The following PRPF38B variants were observed in gnomAD, a reference collection of about 807,000 sequenced individuals.
PRPF38B encodes pre-mRNA-splicing factor 38B.
In PRPF38B, 18 loss-of-function variants were observed where a neutral mutation model predicts 67.2. The observed-to-expected ratio is 0.27, with a 90% CI of 0.19 to 0.40. The LOEUF (loss-of-function observed/expected upper bound fraction) is 0.40. PRPF38B is among the 10% of genes least tolerant of loss of function. The pLI is 1.00. For synonymous variants in PRPF38B, 246 were observed against 234.2 expected (o/e 1.05, Z -0.46); for missense variants, 544 against 684.9 (o/e 0.79, Z 2.30).
intron 4 of PRPF38B, chr1:108,696,831 G>C: frequency 7.2e-6 from 5 of 694,686 alleles, no homozygotes; most frequent in Non-Finnish European, 1.3e-5. Flanking sequence ...AATAGGCTAA[G>C]TGTTTGGATG....
At position 108,698,670 on chromosome 1, in the gene PRPF38B, A is replaced by T; in HGVS notation, c.625A>T (p.Thr209Ser). The T allele has an allele frequency of 6.2e-7, 1 of 1,614,136 alleles. No homozygotes were observed. ...TIGEMLRSFLTKLEWFSTLFP... is the reference protein window; with the variant it reads ...TIGEMLRSFLSKLEWFSTLFP... Reference sequence around the variant, plus strand: ...TGGAGAAATGCTACGATCTTTTCTCACAAAACTGGAGTGGTTTTCTACCTT... The same window carrying T: ...TGGAGAAATGCTACGATCTTTTCTCTCAAAACTGGAGTGGTTTTCTACCTT... The change falls in exon 5 of 6, where the codon ACA becomes TCA. Residue 209 changes from threonine (T) to serine (S), a missense_variant. By Grantham distance (58) the Thr-to-Ser change is moderately conservative. This residue lies in a region of PRPF38B where 57 missense variants were observed against 122.7 expected (regional missense o/e 0.46). Transcript: ENST00000370025.
chr1:108,701,152 T>G lies in PRPF38B; in HGVS notation c.*1132T>G, dbSNP rs1241635358. Reference sequence around the variant, plus strand: ...TTGTATTCTGATTACAGAACCATCATGAGTGTGGAATAAATACTGGATTAA... The same window carrying G: ...TTGTATTCTGATTACAGAACCATCAGGAGTGTGGAATAAATACTGGATTAA... On this transcript the variant is annotated 3_prime_UTR_variant, in exon 6 of 6. Coordinates refer to ENST00000370025, the MANE Select transcript of PRPF38B (RefSeq NM_018061.4). 6.6e-6 allele frequency: 1 copy of G among 152,662 alleles called. No individual in the cohort carries two copies. Among genetic ancestry groups the G allele is most frequent in the East Asian group, 1.9e-4 (1 of 5,200 alleles). 9.5% of individuals were successfully genotyped at this position (152,662 alleles called of 1,614,324 possible).
chr1:108,701,577 G>T lies in PRPF38B; in HGVS notation c.*1557G>T, dbSNP rs1189090887. 6.6e-6 allele frequency: 1 copy of T among 152,208 alleles called. No individual in the cohort carries two copies. The highest frequency in any genetic ancestry group is 6.5e-5 in the Admixed American group (1 of 15,284). 9.4% of individuals were successfully genotyped at this position (152,208 alleles called of 1,614,324 possible). A position where few individuals can be genotyped will look rare whatever the true frequency, so the allele number is the denominator to read the frequency against. ...AGAGGCCCAAAGTAATGATGTCAGT[G>T]CTAGGGCTAAAACTCAGTATTCTGA... On this transcript the variant is annotated 3_prime_UTR_variant, in exon 6 of 6. Transcript: ENST00000370025.
chr1:108,697,538 C>CTTTTTTTTTTTTTTTTT (rs34770110), intron 4 of PRPF38B: 2 of 146,072 alleles, frequency 1.4e-5, no homozygotes, highest in African/African-American at 5.2e-5. Context: ...TTATTTTTCT[C>CTTTTTTTTTTTTTTTTT]TTTTTTTTTT....
intron 4 of PRPF38B, chr1:108,698,093 A>G (rs1660069231): frequency 6.6e-6 from 1 of 152,204 alleles, no homozygotes; most frequent in African/African-American, 2.4e-5. Context: ...TTTATTTTCT[A>G]CATAACTAAA....
rs781420765 is a variant in PRPF38B at position 108,692,623 on chromosome 1, A to G, written c.32A>G (p.Asn11Ser). The change falls in exon 1 of 6, where the codon AAC (asparagine) becomes AGC (serine). Residue 11 changes from asparagine (N) to serine (S), a missense_variant. Around this residue, in one of 5 missense-constraint regions of PRPF38B, gnomAD observed 70 missense variants for 58.4 expected, o/e 1.20. Transcript: ENST00000370025. ...AACAACAGCCCCGCGCTGACAGGCA[A>G]CTCGCAGCCGCAGCACCAGGCGGCT... Reference protein sequence around the residue: MANNSPALTGNSQPQHQAAAA... With the variant: MANNSPALTGSSQPQHQAAAA... The G allele has an allele frequency of 2.5e-6, 4 of 1,606,602 alleles. No homozygotes were observed. The East Asian group carries it at 9.0e-5, about 36-fold the overall frequency.
At position 108,692,589 on chromosome 1, in the gene PRPF38B, A is replaced by C; in HGVS notation, c.-3A>C. The C allele has an allele frequency of 2.2e-6, 3 of 1,363,984 alleles. No individual in the cohort carries two copies. The highest frequency in any genetic ancestry group is 2.9e-6 in the Non-Finnish European group (3 of 1,030,870). 84.5% of individuals were successfully genotyped at this position (1,363,984 alleles called of 1,614,324 possible). ...TTCCCTCCCTCCTTCCTTCCGCCGC[A>C]ACATGGCTAACAACAGCCCCGCGCT... On this transcript the variant is annotated 5_prime_UTR_variant, in exon 1 of 6. Coordinates refer to ENST00000370025, the MANE Select transcript of PRPF38B (RefSeq NM_018061.4).
intron 1 of PRPF38B, among the ~76,000 whole-genome samples, chr1:108,694,230 G>T (rs1659629556): frequency 6.6e-6 from 1 of 152,134 alleles, no homozygotes; most frequent in Non-Finnish European, 1.5e-5. Context: ...ATACAGTATG[G>T]TGAATAACAT....
In PRPF38B at chr1:108,701,576, T is replaced by G. The variant is rs1422722787; in HGVS notation, c.*1556T>G. 5 of 152,244 alleles carry G rather than the reference T, an allele frequency of 3.3e-5. No homozygotes were observed. The highest frequency in any genetic ancestry group is 7.3e-5 in the Non-Finnish European group (5 of 68,046). 9.4% of individuals were successfully genotyped at this position (152,244 alleles called of 1,614,324 possible). On this transcript the variant is annotated 3_prime_UTR_variant, in exon 6 of 6. Transcript: ENST00000370025. ...TAGAGGCCCAAAGTAATGATGTCAG[T>G]GCTAGGGCTAAAACTCAGTATTCTG... is the stretch of plus-strand genomic sequence containing the variant.
At chr1:108,694,251 G>C (rs1659631426) in intron 1 of PRPF38B, among the ~76,000 whole-genome samples, 1 of 152,130 alleles carries the variant, frequency 6.6e-6, no homozygotes, top group African/African-American at 2.4e-5. Flanking sequence ...TTAATCCTTA[G>C]CTTTATTTAT....
chr1:108,692,454 C>T lies in PRPF38B; in HGVS notation c.-138C>T, dbSNP rs1412355133. 9.4e-7 allele frequency: 1 copy of T among 1,069,216 alleles called. No individual in the cohort carries two copies. The highest frequency in any genetic ancestry group is 2.9e-5 in the Admixed American group (1 of 34,376). 66.2% of individuals were successfully genotyped at this position (1,069,216 alleles called of 1,614,324 possible). ...TCGGCGTCGGGTGCCCTCTCTTGCC[C>T]AGCTGGGGCACAGCGAGGCGGCCCC... On this transcript the variant is annotated 5_prime_UTR_variant, in exon 1 of 6. Coordinates refer to ENST00000370025, the MANE Select transcript of PRPF38B (RefSeq NM_018061.4).
rs1261008068 is a variant in PRPF38B, at chr1:108,698,661, T to A, written c.616T>A (p.Ser206Thr). Residue 206 changes from serine to threonine, a missense_variant, in exon 5 of 6, where the codon TCT (serine) becomes ACT (threonine). By Grantham distance (58) the Ser-to-Thr change is moderately conservative. This residue lies in a region of PRPF38B where 57 missense variants were observed against 122.7 expected (regional missense o/e 0.46). Transcript: ENST00000370025. Reference sequence around the variant, plus strand: ...AATGACCATTGGAGAAATGCTACGATCTTTTCTCACAAAACTGGAGTGGTT... The same window carrying A: ...AATGACCATTGGAGAAATGCTACGAACTTTTCTCACAAAACTGGAGTGGTT... The part of the protein sequence containing the change: ...CVMTIGEMLR[S>T]FLTKLEWFST... 1.2e-6 allele frequency: 2 copies of A among 1,613,986 alleles called. No individual in the cohort carries two copies. Among genetic ancestry groups the A allele is most frequent in the Non-Finnish European group, 1.7e-6 (2 of 1,180,010 alleles).
In PRPF38B at chr1:108,699,754, CATAAAA is replaced by C. The variant is rs1570698943; in HGVS notation, c.1378_1383del (p.Lys460_Asn461del). The C allele has an allele frequency of 3.1e-6, 5 of 1,613,144 alleles. No individual in the cohort carries two copies. The highest frequency in any genetic ancestry group is 1.6e-4 in the Middle Eastern group (1 of 6,080). ...TAGAAGCAAAGAGAAATCAAGTAAA[CATAAAA>C]ATGAAAGTAAAGAAAAATCAAATAA... On this transcript the variant is annotated inframe_deletion, in exon 6 of 6. Transcript: ENST00000370025.
rs1411905161 is a variant in PRPF38B at position 108,700,814 on chromosome 1, AAATT to A, written c.*798_*801del. ...TTTTAAAGTACTATATTAAAGAAAA[AAATT>A]AATGTCTAAAGCCTAGCATTCTTGC... is the stretch of plus-strand genomic sequence containing the variant. On this transcript the variant is annotated 3_prime_UTR_variant, in exon 6 of 6. Transcript: ENST00000370025. The A allele has an allele frequency of 3.3e-5, 5 of 152,696 alleles. No individual in the cohort carries two copies. The highest frequency in any genetic ancestry group is 1.2e-4 in the African/African-American group (5 of 41,562). 9.5% of individuals were successfully genotyped at this position (152,696 alleles called of 1,614,324 possible).
rs1355057007 is a variant in PRPF38B, at chr1:108,700,882, C to T, written c.*862C>T. 6.6e-6 allele frequency: 1 copy of T among 152,280 alleles called. No individual in the cohort carries two copies. The highest frequency in any genetic ancestry group is 1.5e-5 in the Non-Finnish European group (1 of 68,012). 9.4% of individuals were successfully genotyped at this position (152,280 alleles called of 1,614,324 possible). On this transcript the variant is annotated 3_prime_UTR_variant, in exon 6 of 6. Transcript: ENST00000370025. ...AACATGTAATGGGGAGAGGGTGGGG[C>T]AGATGAGTAGAGAAACAGATTCAAG...
At position 108,701,818 on chromosome 1, in the gene PRPF38B, C is replaced by A. The variant is rs1660526912; in HGVS notation, c.*1798C>A. The A allele has an allele frequency of 6.6e-6, 1 of 151,952 alleles. No homozygotes were observed. The highest frequency in any genetic ancestry group is 1.5e-5 in the Non-Finnish European group (1 of 67,956). The allele number at this position is 151,952 out of a possible 1,614,324, so 9.4% of individuals were successfully genotyped here. ...TCTTCTAAAAATGATATGCTTTTTT[C>A]TTTTTTAAGAAAATTCCTTTGTCTT... is the stretch of plus-strand genomic sequence containing the variant. On this transcript the variant is annotated 3_prime_UTR_variant, in exon 6 of 6. Transcript: ENST00000370025.
chr1:108,696,764 A>C (rs1659899815), intron 4 of PRPF38B: 1 of 716,804 alleles, frequency 1.4e-6, no homozygotes, highest in Non-Finnish European at 2.6e-6. Flanking sequence ...GCTTCTTCCA[A>C]ATATCAGTAT....
intron 4 of PRPF38B, chr1:108,696,985 A>T (rs1267535815): frequency 5.6e-6 from 3 of 533,688 alleles, no homozygotes; most frequent in Non-Finnish European, 9.9e-6. Context: ...TAAATCGTGT[A>T]TGCATTGGCT....
intron 4 of PRPF38B, chr1:108,698,368 C>CT: frequency 2.4e-6 from 1 of 418,542 alleles, no homozygotes; most frequent in Non-Finnish European, 4.2e-6. Context: ...ATATTGTTAA[C>CT]TGAGTGAGAT....
Sources: allele counts gnomAD v4.1 joint callset (sites outside exome capture counted in the v4.1 genomes callset), GRCh38; gene constraint gnomAD v4.1.1; regional missense constraint gnomAD v4.1.1; transcripts MANE v1.5; gene names NCBI Gene and HGNC (gene_info 2026-07-23, HGNC 2026-07-21).